Variants in KCNQ3 observed in about 807,000 individuals in gnomAD.
KCNQ3 encodes potassium voltage-gated channel subfamily Q member 3.
In KCNQ3, 30 loss-of-function variants were observed where a neutral mutation model predicts 92.5. The ratio of observed to expected loss-of-function variants is 0.32; its 90% CI spans 0.24 to 0.44. The LOEUF is 0.44. Among genes scored for constraint, KCNQ3 ranks in the 20% least tolerant of loss-of-function variants. The pLI is 1.00. For synonymous variants in KCNQ3, 450 were observed against 468.8 expected (o/e 0.96, Z 0.52); for missense variants, 913 against 1,140.3 (o/e 0.80, Z 2.87).
intron 1 of KCNQ3, among the ~76,000 whole-genome samples, chr8:132,294,194 G>C (rs924085391): frequency 6.6e-6 from 1 of 152,002 alleles, no homozygotes; most frequent in Non-Finnish European, 1.5e-5. Context: ...GTAGAGACAG[G>C]GTTTCACCGT....
At chr8:132,143,093 T>C (rs1453806988) in intron 9 of KCNQ3, among the ~76,000 whole-genome samples, 1 of 152,232 alleles carries the variant, frequency 6.6e-6, no homozygotes, top group Non-Finnish European at 1.5e-5. Context: ...GCAGTTGTTA[T>C]TCCTGACTTC....
At chr8:132,397,926 T>G (rs376745021) in intron 1 of KCNQ3, among the ~76,000 whole-genome samples, 180 of 152,322 alleles carry the variant, frequency 1.2e-3, no homozygotes, top group African/African-American at 4.0e-3. Context: ...TAGGAAATTT[T>G]TTAAGGAAAA....
intron 1 of KCNQ3, among the ~76,000 whole-genome samples, chr8:132,464,221 G>T (rs1822122306): frequency 6.6e-6 from 1 of 152,202 alleles, no homozygotes. Context: ...TCCTTACCAT[G>T]TGCACAGACA....
At chr8:132,180,892 G>C (rs1826745058) in intron 3 of KCNQ3, among the ~76,000 whole-genome samples, 1 of 150,696 alleles carries the variant, frequency 6.6e-6, no homozygotes, top group Non-Finnish European at 1.5e-5. Context: ...TGAGTCCTTT[G>C]AGCTGTGGAC....
At chr8:132,279,735 AAC>A (rs563115729) in intron 1 of KCNQ3, among the ~76,000 whole-genome samples, 46 of 152,336 alleles carry the variant, frequency 3.0e-4, no homozygotes, top group African/African-American at 9.6e-4. Flanking sequence ...TATGCATGTA[AAC>A]ACAAACACAC....
intron 13 of KCNQ3, among the ~76,000 whole-genome samples, chr8:132,133,208 G>C (rs1824941245): frequency 6.6e-6 from 1 of 152,130 alleles, no homozygotes. Context: ...CTAAAAGAAG[G>C]TAGAGACTTC....
chr8:132,478,979 G>A (rs1822476157), intron 1 of KCNQ3, among the ~76,000 whole-genome samples: 1 of 151,956 alleles, frequency 6.6e-6, no homozygotes, highest in African/African-American at 2.4e-5. Flanking sequence ...GGAGAGAGGG[G>A]GGAGGGGGGG....
Position 132,141,198 on chromosome 8 carries a change from A to T in KCNQ3, c.1396T>A (p.Leu466Ile). ...SPSKEPKPVG[L>I]NNKERFRTAF... ...GTGCGGAAACGCTCTTTATTGTTTA[A>T]GCCAACAGGCTTTGGTTCTTTAGAA... is the stretch of plus-strand genomic sequence containing the variant. The change falls in exon 10 of 15, where the codon TTA becomes ATA. Residue 466 changes from leucine to isoleucine, a missense_variant. Around this residue, in one of 6 missense-constraint regions of KCNQ3, gnomAD observed 182 missense variants for 234.5 expected, o/e 0.78. Transcript: ENST00000388996. 1 of 1,614,228 alleles carries T rather than the reference A, an allele frequency of 6.2e-7. No homozygotes were observed. The highest frequency in any genetic ancestry group is 8.5e-7 in the Non-Finnish European group (1 of 1,180,030).
intron 1 of KCNQ3, among the ~76,000 whole-genome samples, chr8:132,366,600 T>C (rs1819329553): frequency 6.6e-6 from 1 of 152,172 alleles, no homozygotes; most frequent in African/African-American, 2.4e-5. Context: ...TGCTGGCTTT[T>C]GAATTAAGGT....
chr8:132,330,915 T>C (rs546929753), intron 1 of KCNQ3, among the ~76,000 whole-genome samples: 9 of 152,276 alleles, frequency 5.9e-5, no homozygotes, highest in African/African-American at 2.2e-4. Context: ...GGACATAACT[T>C]TCCTGCCCTA....
At chr8:132,344,410 C>T (rs1374326695) in intron 1 of KCNQ3, among the ~76,000 whole-genome samples, 1 of 151,662 alleles carries the variant, frequency 6.6e-6, no homozygotes, top group East Asian at 1.9e-4. Flanking sequence ...TTCCCCTTTG[C>T]CTCCACTTAT....
chr8:132,192,753 G>A (rs1392420769), intron 1 of KCNQ3, among the ~76,000 whole-genome samples: 1 of 152,140 alleles, frequency 6.6e-6, no homozygotes, highest in Non-Finnish European at 1.5e-5. Context: ...GGGTTCAAGC[G>A]ATTCTTCTGC....
intron 1 of KCNQ3, among the ~76,000 whole-genome samples, chr8:132,464,626 G>C (rs1822131051): frequency 6.6e-6 from 1 of 152,176 alleles, no homozygotes; most frequent in African/African-American, 2.4e-5. Context: ...CATGGTCAAG[G>C]CTGTACATTA....
intron 1 of KCNQ3, among the ~76,000 whole-genome samples, chr8:132,469,863 G>A (rs943920260): frequency 1.3e-5 from 2 of 151,578 alleles, no homozygotes; most frequent in East Asian, 2.0e-4. Context: ...AAGAAAATTT[G>A]CATTCTGTTC....
chr8:132,186,039 T>G, intron 2 of KCNQ3, 52 bp downstream of exon 2: 1 of 1,408,970 alleles, frequency 7.1e-7, no homozygotes, highest in Non-Finnish European at 1.0e-6. Flanking sequence ...AACCTCCTTT[T>G]CATCACTCTG....
chr8:132,270,712 G>T (rs1816122292), intron 1 of KCNQ3, among the ~76,000 whole-genome samples: 1 of 152,182 alleles, frequency 6.6e-6, no homozygotes, highest in Non-Finnish European at 1.5e-5. Context: ...TATTTTTACA[G>T]AAATATTTGC....
At chr8:132,305,624 T>A (rs1385384122) in intron 1 of KCNQ3, among the ~76,000 whole-genome samples, 2 of 152,132 alleles carry the variant, frequency 1.3e-5, no homozygotes, top group Non-Finnish European at 2.9e-5. Flanking sequence ...TTGCTTTCCA[T>A]GCCTCACTCT....
At chr8:132,459,500 G>T (rs1451399865) in intron 1 of KCNQ3, among the ~76,000 whole-genome samples, 1 of 152,058 alleles carries the variant, frequency 6.6e-6, no homozygotes, top group East Asian at 1.9e-4. Flanking sequence ...TTAACAACCA[G>T]CTCTCACGGG....
chr8:132,265,929 G>A (rs558093300), intron 1 of KCNQ3, among the ~76,000 whole-genome samples: 7 of 152,214 alleles, frequency 4.6e-5, no homozygotes, highest in South Asian at 2.1e-4. Context: ...CACTTCCCTC[G>A]CTTTCCTACA....
Sources: allele counts gnomAD v4.1 joint callset (sites outside exome capture counted in the v4.1 genomes callset), GRCh38; gene constraint gnomAD v4.1.1; regional missense constraint gnomAD v4.1.1; transcripts MANE v1.5; gene names NCBI Gene and HGNC (gene_info 2026-07-23, HGNC 2026-07-21).